Variants in SLC44A5 observed in about 807,000 individuals in gnomAD.
The protein encoded by SLC44A5 is solute carrier family 44 member 5, also known as choline transporter-like protein 5.
A neutral mutation model predicts 101.8 loss-of-function variants in SLC44A5; 57 were observed. The ratio of observed to expected loss-of-function variants is 0.56; its 90% CI spans 0.45 to 0.70. The LOEUF (loss-of-function observed/expected upper bound fraction) is 0.70. SLC44A5 is among the 30% of genes least tolerant of loss of function. The pLI, the probability that SLC44A5 is intolerant of heterozygous loss-of-function variation, is 0.00. For missense variants in SLC44A5, 737 were observed against 853.1 expected (o/e 0.86, Z 1.70); for synonymous variants, 281 against 290.9 (o/e 0.97, Z 0.35).
the SLC44A5 span, among the ~76,000 whole-genome samples, chr1:75,617,993 G>A: frequency 6.6e-6 from 1 of 152,188 alleles, no homozygotes; most frequent in Non-Finnish European, 1.5e-5. Context: ...AGGTTTTACA[G>A]ACGGTGAAAT....
At position 75,395,145 on chromosome 1, in the gene SLC44A5, T is replaced by C. The variant is rs894125884; in HGVS notation, c.52+1438A>G. On this transcript the variant is annotated intron_variant, in intron 3 of 23. Transcript: ENST00000370859. ...TTTCCTCATTAGCTTATTTATCTCA[T>C]AAACCTTGTGAGAAAGATGAGGGCT... is the stretch of plus-strand genomic sequence containing the variant. Among the ~76,000 whole-genome samples, 4 of 152,122 alleles carry C rather than the reference T, an allele frequency of 2.6e-5. 1 individual carries two copies. Among genetic ancestry groups the C allele is most frequent in the Non-Finnish European group, 5.9e-5 (4 of 68,000 alleles).
intron 3 of SLC44A5, among the ~76,000 whole-genome samples, chr1:75,340,042 A>T (rs943807478): frequency 2.0e-5 from 3 of 152,178 alleles, no homozygotes; most frequent in African/African-American, 7.2e-5. Flanking sequence ...CAGCTCTCCC[A>T]TTCCTCTCAG....
chr1:75,438,755 T>A (rs748123335), intron 2 of SLC44A5, among the ~76,000 whole-genome samples: 6 of 152,052 alleles, frequency 3.9e-5, no homozygotes, highest in Non-Finnish European at 7.4e-5. Flanking sequence ...TTTAGGCCCA[T>A]AGCACTCTCA....
chr1:75,478,376 T>C (rs192333468), intron 2 of SLC44A5, among the ~76,000 whole-genome samples: 246 of 152,250 alleles, frequency 1.6e-3, no homozygotes, highest in African/African-American at 5.8e-3. Context: ...AACATCATAA[T>C]GACAGGATCA....
chr1:75,467,938 G>A lies in SLC44A5; in HGVS notation c.14-71317C>T, dbSNP rs137940010. Among the ~76,000 whole-genome samples, 611 of 151,836 alleles carry A rather than the reference G, an allele frequency of 4.0e-3. 5 individuals are homozygous for A. Among genetic ancestry groups the A allele is most frequent in the African/African-American group, 0.014 (587 of 41,404 alleles). ...ATATTTGCAAACAACCATACGACAA[G>A]AGATTCATAACCAGAATACATAAGG... On this transcript the variant is annotated intron_variant, in intron 2 of 23. Transcript: ENST00000370859.
intron 2 of SLC44A5, among the ~76,000 whole-genome samples, chr1:75,516,601 A>C (rs886770660): frequency 2.6e-5 from 4 of 152,156 alleles, no homozygotes; most frequent in African/African-American, 9.7e-5. Context: ...TTGTTCATTT[A>C]TATTAAGGGA....
intron 3 of SLC44A5, among the ~76,000 whole-genome samples, chr1:75,384,155 G>T (rs7552856): frequency 0.2 from 30,631 of 151,530 alleles, 4,262 homozygotes; most frequent in East Asian, 0.81. Flanking sequence ...GAACTAACGA[G>T]CAAAATAACC....
chr1:75,699,123 C>G, the SLC44A5 span, among the ~76,000 whole-genome samples: 1 of 151,958 alleles, frequency 6.6e-6, no homozygotes, highest in Non-Finnish European at 1.5e-5. Flanking sequence ...GCAAGGCAGG[C>G]CAACGTTCAG....
intron 1 of SLC44A5, among the ~76,000 whole-genome samples, chr1:75,589,528 C>T (rs1295081211): frequency 6.6e-6 from 1 of 152,120 alleles, no homozygotes; most frequent in South Asian, 2.1e-4. Flanking sequence ...CTCTACCCAT[C>T]GTCCTGCCAG....
chr1:75,208,994 TAAG>T (rs1288594104), intron 23 of SLC44A5, among the ~76,000 whole-genome samples: 4 of 152,286 alleles, frequency 2.6e-5, no homozygotes, highest in East Asian at 3.9e-4. Flanking sequence ...GGGCATCATT[TAAG>T]AAGAATATTT....
chr1:75,569,384 G>T (rs891977865), intron 1 of SLC44A5, among the ~76,000 whole-genome samples: 7 of 151,746 alleles, frequency 4.6e-5, no homozygotes, highest in Non-Finnish European at 8.8e-5. Flanking sequence ...TGGGACTACA[G>T]GTGCATGCCA....
At chr1:75,380,328 A>G (rs1285803335) in intron 3 of SLC44A5, among the ~76,000 whole-genome samples, 2,250 of 56,016 alleles carry the variant, frequency 0.04, no homozygotes, top group East Asian at 0.17. Context: ...TAAATCTAAA[A>G]GGAGTTCAAA....
chr1:75,414,328 C>T (rs1297491615), intron 2 of SLC44A5, among the ~76,000 whole-genome samples: 2 of 134,148 alleles, frequency 1.5e-5, no homozygotes, highest in Non-Finnish European at 3.1e-5. Flanking sequence ...TCCACATACA[C>T]ACACACACAC....
chr1:75,662,683 A>AC, the SLC44A5 span, among the ~76,000 whole-genome samples: 97,876 of 151,790 alleles, frequency 0.64, 33,280 homozygotes, highest in African/African-American at 0.8. Flanking sequence ...TGTATGTAAT[A>AC]CCCATCCAGG....
At chr1:75,262,220 T>G (rs949088069) in intron 6 of SLC44A5, among the ~76,000 whole-genome samples, 1 of 152,220 alleles carries the variant, frequency 6.6e-6, no homozygotes, top group Non-Finnish European at 1.5e-5. Flanking sequence ...ATGACATGAT[T>G]GTATATTTAG....
the SLC44A5 span, chr1:75,677,854 G>A: frequency 6.0e-5 from 22 of 367,676 alleles, no homozygotes; most frequent in East Asian, 9.7e-4. Context: ...GAGGTACCGG[G>A]TTCATCTCAC....
At position 75,222,454 on chromosome 1, in the gene SLC44A5, A is replaced by G. The variant is rs1481327767; in HGVS notation, c.992T>C (p.Ile331Thr). The change falls in exon 14 of 24, where the codon ATA becomes ACA. Residue 331 changes from isoleucine to threonine, a missense_variant. Ile to Thr is a moderately conservative substitution (Grantham distance 89). Around this residue, in one of 3 missense-constraint regions of SLC44A5, gnomAD observed 665 missense variants for 764.4 expected, o/e 0.87. Transcript: ENST00000370859. ...LQQTWFTFMI[I>T]LCIIEVIVIL... ...GACAATCACTTCAATGATGCAGAGT[A>G]TTATCACTTTGAACAGGAAAAAAAA... The G allele has an allele frequency of 2.6e-5, 41 of 1,605,958 alleles. No individual in the cohort carries two copies. Among genetic ancestry groups the G allele is most frequent in the Non-Finnish European group, 3.3e-5 (39 of 1,173,836 alleles).
chr1:75,585,381 T>C (rs186352207), intron 1 of SLC44A5, among the ~76,000 whole-genome samples: 70 of 152,368 alleles, frequency 4.6e-4, no homozygotes, highest in Admixed American at 1.5e-3. Flanking sequence ...TTCAGTTTTA[T>C]ACTATATCAA....
chr1:75,550,656 C>G (rs1016422937), intron 1 of SLC44A5, among the ~76,000 whole-genome samples: 1 of 151,918 alleles, frequency 6.6e-6, no homozygotes, highest in Non-Finnish European at 1.5e-5. Context: ...CATACATGGA[C>G]AAAAGCAGTA....
Sources: allele counts gnomAD v4.1 joint callset (sites outside exome capture counted in the v4.1 genomes callset), GRCh38; gene constraint gnomAD v4.1.1; regional missense constraint gnomAD v4.1.1; transcripts MANE v1.5; gene names NCBI Gene and HGNC (gene_info 2026-07-23, HGNC 2026-07-21).